TNS3: variants seen among roughly 807,000 people sequenced by gnomAD.
TNS3 encodes the protein tensin-3.
Under a neutral mutation model 140.9 loss-of-function variants are expected in TNS3, and 45 were observed. The observed-to-expected ratio is 0.32, with a 90% CI of 0.25 to 0.41. The LOEUF (loss-of-function observed/expected upper bound fraction) is 0.41. Ranked by LOEUF, TNS3 falls within the 10% of genes least tolerant of loss-of-function variation. The pLI, the probability that TNS3 is intolerant of heterozygous loss-of-function variation, is 1.00. For missense variants in TNS3, 1,716 were observed against 1,906.7 expected, an observed-to-expected ratio of 0.90 and a Z score of 1.86; for synonymous variants, 815 against 788.4, an observed-to-expected ratio of 1.03 and a Z score of -0.56.
chr7:47,543,688 C>A (rs544040151), intron 1 of TNS3, among the ~76,000 whole-genome samples: 54 of 152,050 alleles, frequency 3.6e-4, no homozygotes, highest in African/African-American at 1.3e-3. Context: ...CAGTAGATAA[C>A]GTGATGAATG....
At chr7:47,420,534 T>G (rs1223809176) in intron 10 of TNS3, among the ~76,000 whole-genome samples, 1 of 152,140 alleles carries the variant, frequency 6.6e-6, no homozygotes, top group African/African-American at 2.4e-5. Flanking sequence ...ATACTGCATG[T>G]GCTCACTTCC....
chr7:47,359,454 C>T (rs1040419979), intron 17 of TNS3, among the ~76,000 whole-genome samples: 1 of 152,124 alleles, frequency 6.6e-6, no homozygotes, highest in Admixed American at 6.5e-5. Flanking sequence ...CGACAAATTT[C>T]TGAAACTAGA....
intron 4 of TNS3, among the ~76,000 whole-genome samples, chr7:47,478,818 G>C (rs1165426724): frequency 1.3e-5 from 2 of 152,000 alleles, no homozygotes; most frequent in Non-Finnish European, 2.9e-5. Flanking sequence ...TAACATGCAT[G>C]TATGTGTTCA....
chr7:47,459,258 G>A (rs1203784999), intron 4 of TNS3, among the ~76,000 whole-genome samples: 2 of 152,070 alleles, frequency 1.3e-5, no homozygotes, highest in African/African-American at 4.8e-5. Context: ...TGTGCTTTGG[G>A]GTCCACATCA....
At position 47,368,811 on chromosome 7, in the gene TNS3, A is replaced by G. The variant is rs748710251; in HGVS notation, c.1835T>C (p.Val612Ala). 8 of 1,610,762 alleles carry G rather than the reference A, an allele frequency of 5.0e-6. No individual in the cohort carries two copies. Among genetic ancestry groups the G allele is most frequent in the Non-Finnish European group, 6.8e-6 (8 of 1,178,912 alleles). ...SFAPDGEARLVSRCPADNPGL... is the reference protein window; with the variant it reads ...SFAPDGEARLASRCPADNPGL... ...AGGATTGTCTGCAGGGCAGCGGCTC[A>G]CCAGCCGGGCCTCCCCATCTGGGGC... The change falls in exon 17 of 31, where the codon GTG (valine) becomes GCG (alanine). Residue 612 changes from valine to alanine, a missense_variant. Physicochemically the swap from Val to Ala is moderately conservative, Grantham distance 64. Transcript: ENST00000311160.
chr7:47,356,981 T>C (rs989826007), intron 17 of TNS3, among the ~76,000 whole-genome samples: 7 of 151,614 alleles, frequency 4.6e-5, no homozygotes, highest in Admixed American at 2.6e-4. Context: ...CTAACTACTC[T>C]GGAGGCTGAG....
intron 4 of TNS3, chr7:47,452,984 A>G (rs1381803130): frequency 7.1e-6 from 7 of 985,522 alleles, no homozygotes; most frequent in Non-Finnish European, 8.4e-6. Context: ...TCCCTTCCAG[A>G]AACAGCTCCT....
chr7:47,480,232 A>G (rs1797365890), intron 4 of TNS3, among the ~76,000 whole-genome samples: 1 of 152,346 alleles, frequency 6.6e-6, no homozygotes. Context: ...GGGAGCCAAG[A>G]GCAGAAAGCC....
rs35983071 is a variant in TNS3, at chr7:47,580,005, TAA to T, written c.-265+2044_-265+2045del. 211 of 158,534 alleles carry T rather than the reference TAA, an allele frequency of 1.3e-3. 1 individual carries two copies. Among genetic ancestry groups the T allele is most frequent in the South Asian group, 6.2e-3 (30 of 4,874 alleles). The allele number at this position is 158,534 out of a possible 1,614,324, so 9.8% of individuals were successfully genotyped here. A position where few individuals can be genotyped will look rare whatever the true frequency, so the allele number is the denominator to read the frequency against. On this transcript the variant is annotated intron_variant, in intron 1 of 30. Transcript: ENST00000311160. ...ATTAGGTGCCAAAGAGACACTTTGT[TAA>T]AAAAAAAAAAATCAATTTGCATTCA...
chr7:47,287,996 T>C (rs2150582662), intron 27 of TNS3, among the ~76,000 whole-genome samples: 1 of 152,348 alleles, frequency 6.6e-6, no homozygotes, highest in East Asian at 1.9e-4. Context: ...TTTTAATATC[T>C]AAAAACAAGT....
chr7:47,390,407 G>A (rs1792443038), intron 16 of TNS3, among the ~76,000 whole-genome samples: 2 of 152,208 alleles, frequency 1.3e-5, no homozygotes, highest in Non-Finnish European at 2.9e-5. Flanking sequence ...GCCCATTCCT[G>A]GAGCTCGGAA....
At chr7:47,327,833 C>T (rs1788107111) in intron 20 of TNS3, among the ~76,000 whole-genome samples, 2 of 151,896 alleles carry the variant, frequency 1.3e-5, no homozygotes, top group Admixed American at 1.3e-4. Context: ...CCACCTCATA[C>T]CCCTCCCCAC....
In TNS3 at chr7:47,401,784, G is replaced by A. The variant is rs184008861; in HGVS notation, c.724-870C>T. Among the ~76,000 whole-genome samples the A allele has an allele frequency of 6.4e-3, 973 of 152,340 alleles. 12 individuals carry two copies. Among genetic ancestry groups the A allele is most frequent in the African/African-American group, 0.022 (923 of 41,572 alleles). ...CAGGCCACAGCTGGGGGAGCTGCAG[G>A]GACAGGGATACCCCTCACTCAGAGA... On this transcript the variant is annotated intron_variant, in intron 13 of 30. Coordinates refer to ENST00000311160, the MANE Select transcript of TNS3 (RefSeq NM_022748.12).
chr7:47,452,005 T>G (rs1490704337), intron 4 of TNS3, among the ~76,000 whole-genome samples: 1 of 152,194 alleles, frequency 6.6e-6, no homozygotes, highest in Non-Finnish European at 1.5e-5. Flanking sequence ...CTCAGTTTTC[T>G]CATCTGGAAA....
intron 1 of TNS3, among the ~76,000 whole-genome samples, chr7:47,547,694 G>A (rs1319320768): frequency 6.6e-6 from 1 of 152,104 alleles, no homozygotes; most frequent in African/African-American, 2.4e-5. Flanking sequence ...CCACGTCTAC[G>A]CCGCCATCCA....
chr7:47,457,274 T>C (rs1796301491), intron 4 of TNS3, among the ~76,000 whole-genome samples: 2 of 151,652 alleles, frequency 1.3e-5, no homozygotes, highest in South Asian at 4.2e-4. Flanking sequence ...CTAAGCTAGC[T>C]GGGTAATTCC....
In TNS3 at chr7:47,383,921, G is replaced by A. The variant is rs185624130; in HGVS notation, c.1024+12879C>T. On this transcript the variant is annotated intron_variant, in intron 16 of 30. Coordinates refer to ENST00000311160, the MANE Select transcript of TNS3 (RefSeq NM_022748.12). ...GAGGAGGCCATTACCTGGACTGCAG[G>A]TCAGAAAGTGACACGCAGGGCCTCC... 2.1e-3 allele frequency among the ~76,000 whole-genome samples: 323 copies of A among 152,270 alleles called. 7 individuals are homozygous for A. In the South Asian group the frequency reaches 0.028, roughly 13 times the overall value.
chr7:47,538,795 A>T (rs1425469992), intron 1 of TNS3, among the ~76,000 whole-genome samples: 1 of 152,220 alleles, frequency 6.6e-6, no homozygotes, highest in African/African-American at 2.4e-5. Context: ...CCTGTCCTTC[A>T]AATGACACCA....
intron 13 of TNS3, among the ~76,000 whole-genome samples, chr7:47,408,140 G>A (rs1200731996): frequency 1.3e-5 from 2 of 152,138 alleles, no homozygotes; most frequent in African/African-American, 4.8e-5. Flanking sequence ...CCAGCCCAGG[G>A]TGGCCTGGAG....
Sources: allele counts gnomAD v4.1 joint callset (sites outside exome capture counted in the v4.1 genomes callset), GRCh38; gene constraint gnomAD v4.1.1; transcripts MANE v1.5; gene names NCBI Gene and HGNC (gene_info 2026-07-23, HGNC 2026-07-21).